Variants in MSI2 observed in about 807,000 individuals in gnomAD.
MSI2 encodes the protein RNA-binding protein Musashi homolog 2.
Under a neutral mutation model 45.6 loss-of-function variants are expected in MSI2, and 17 were observed. That is an observed-to-expected ratio of 0.37 (90% confidence interval 0.26 to 0.56). The LOEUF is 0.56. MSI2 is among the 20% of genes least tolerant of loss of function. MSI2 has a pLI of 0.77. For missense variants in MSI2, 293 were observed against 444.2 expected (o/e 0.66, Z 3.06); for synonymous variants, 156 against 158.2 (o/e 0.99, Z 0.11).
At chr17:57,309,612 C>T (rs1013386026) in intron 5 of MSI2, among the ~76,000 whole-genome samples, 3 of 152,158 alleles carry the variant, frequency 2.0e-5, no homozygotes, top group African/African-American at 7.2e-5. Flanking sequence ...AATGTTTGCA[C>T]AAATGAGCAA....
chr17:57,612,386 G>A (rs1463632691), intron 8 of MSI2, among the ~76,000 whole-genome samples: 1 of 94,912 alleles, frequency 1.1e-5, no homozygotes, highest in African/African-American at 3.3e-5. Flanking sequence ...TCTCGGGGGT[G>A]GAGGGGACTG....
chr17:57,525,057 A>G (rs1447472110), intron 6 of MSI2, among the ~76,000 whole-genome samples: 1 of 152,130 alleles, frequency 6.6e-6, no homozygotes, highest in Non-Finnish European at 1.5e-5. Flanking sequence ...TCTGATGTGG[A>G]TGATATTTGA....
At chr17:57,508,898 C>A (rs1319460709) in intron 6 of MSI2, among the ~76,000 whole-genome samples, 1 of 152,334 alleles carries the variant, frequency 6.6e-6, no homozygotes, top group East Asian at 1.9e-4. Context: ...CAAGGCTGTT[C>A]CGGGACCCAT....
At chr17:57,599,562 G>A (rs916553907) in intron 8 of MSI2, among the ~76,000 whole-genome samples, 3 of 152,218 alleles carry the variant, frequency 2.0e-5, no homozygotes, top group Non-Finnish European at 2.9e-5. Context: ...TCAGGTGCAC[G>A]TAACCGGGTT....
intron 5 of MSI2, among the ~76,000 whole-genome samples, chr17:57,284,079 GC>G (rs2143401358): frequency 6.6e-6 from 1 of 152,294 alleles, no homozygotes; most frequent in South Asian, 2.1e-4. Context: ...GATCGACACA[GC>G]CCCAGATTTA....
chr17:57,450,923 G>A (rs1015175687), intron 6 of MSI2, among the ~76,000 whole-genome samples: 1 of 152,120 alleles, frequency 6.6e-6, no homozygotes. Context: ...GACTTAGCTG[G>A]AGGAAGAGGG....
At chr17:57,458,232 C>G (rs1362120880) in intron 6 of MSI2, among the ~76,000 whole-genome samples, 2 of 151,694 alleles carry the variant, frequency 1.3e-5, no homozygotes, top group African/African-American at 4.8e-5. Context: ...TCCCGAGTAG[C>G]TGGGACTACG....
chr17:57,612,284 CT>C lies in MSI2; in HGVS notation c.538-3683del, dbSNP rs1159877512. Among the ~76,000 whole-genome samples, 10 of 94,898 alleles carry C rather than the reference CT, an allele frequency of 1.1e-4. 3 individuals carry two copies. Among genetic ancestry groups the C allele is most frequent in the African/African-American group, 3.3e-4 (10 of 30,468 alleles). 62.3% of individuals were successfully genotyped at this position (94,898 alleles called of 152,430 possible). On this transcript the variant is annotated intron_variant, in intron 8 of 13. Coordinates refer to ENST00000284073, the MANE Select transcript of MSI2 (RefSeq NM_138962.4). ...ATGAGAGCTCTCAGAGAGGTGGAGG[CT>C]TTCCTTATTTATCTTTGGGTCCCCA...
chr17:57,549,312 C>CTTTCTT (rs2087249347), intron 7 of MSI2, among the ~76,000 whole-genome samples: 3 of 124,288 alleles, frequency 2.4e-5, no homozygotes, highest in African/African-American at 9.2e-5. Flanking sequence ...CCCCACTGCC[C>CTTTCTT]TTTTTTTTTT....
At chr17:57,283,823 G>T (rs1415273855) in intron 5 of MSI2, among the ~76,000 whole-genome samples, 1 of 152,206 alleles carries the variant, frequency 6.6e-6, no homozygotes, top group African/African-American at 2.4e-5. Flanking sequence ...GGCCTGCCGG[G>T]TCCAGGGGAA....
intron 5 of MSI2, among the ~76,000 whole-genome samples, chr17:57,363,595 T>G (rs1302361234): frequency 6.6e-6 from 1 of 152,072 alleles, no homozygotes; most frequent in Non-Finnish European, 1.5e-5. Context: ...AGAAATTAGC[T>G]GGGTGTGGTG....
At chr17:57,263,841 G>A (rs956291697) in intron 5 of MSI2, 4 of 152,252 alleles carry the variant, frequency 2.6e-5, no homozygotes, top group Non-Finnish European at 5.9e-5. Context: ...TGGAATGTTT[G>A]TAGGTGAATT....
At chr17:57,676,239 C>T (rs1362666777) in intron 12 of MSI2, among the ~76,000 whole-genome samples, 2 of 152,184 alleles carry the variant, frequency 1.3e-5, no homozygotes, top group Non-Finnish European at 2.9e-5. Flanking sequence ...CGCACGCATG[C>T]ATGCACACAC....
At position 57,453,002 on chromosome 17, in the gene MSI2, C is replaced by CTT. The variant is rs59001273; in HGVS notation, c.405+51551_405+51552dup. On this transcript the variant is annotated intron_variant, in intron 6 of 13. Transcript: ENST00000284073. ...TGAGGGCTTGTTTCTGGTTGAGGGACTTTTTTTTTTTTTTTTTTTTTAAGA... is the reference window on the plus strand; with the variant it reads ...TGAGGGCTTGTTTCTGGTTGAGGGACTTTTTTTTTTTTTTTTTTTTTTTAAGA... 1.3e-3 allele frequency among the ~76,000 whole-genome samples: 155 copies of CTT among 118,242 alleles called. 1 individual carries two copies. The highest frequency in any genetic ancestry group is 2.0e-3 in the East Asian group (8 of 4,054). 77.6% of individuals were successfully genotyped at this position (118,242 alleles called of 152,430 possible).
At chr17:57,470,740 C>A (rs2085420081) in intron 6 of MSI2, among the ~76,000 whole-genome samples, 1 of 152,226 alleles carries the variant, frequency 6.6e-6, no homozygotes, top group Non-Finnish European at 1.5e-5. Context: ...GCCAGCAGCT[C>A]CTGCGGGTGG....
At chr17:57,458,245 C>G (rs980755955) in intron 6 of MSI2, among the ~76,000 whole-genome samples, 1 of 151,856 alleles carries the variant, frequency 6.6e-6, no homozygotes, top group South Asian at 2.1e-4. Context: ...GGACTACGGG[C>G]GCCCACCACC....
intron 13 of MSI2, among the ~76,000 whole-genome samples, chr17:57,678,870 C>T (rs189528664): frequency 9.5e-4 from 145 of 152,348 alleles, no homozygotes; most frequent in Non-Finnish European, 1.6e-3. Flanking sequence ...CAAACACACC[C>T]ATTGTCCCCA....
chr17:57,527,648 G>A (rs2086732411), intron 6 of MSI2, among the ~76,000 whole-genome samples: 1 of 152,208 alleles, frequency 6.6e-6, no homozygotes, highest in East Asian at 1.9e-4. Context: ...GAAATGGGGA[G>A]CAGAAGGGGA....
At chr17:57,264,359 C>T (rs772960821) in intron 5 of MSI2, 5 of 151,810 alleles carry the variant, frequency 3.3e-5, no homozygotes, top group Non-Finnish European at 7.4e-5. Flanking sequence ...GCCATAGAAG[C>T]GTTAACCTGC....
Sources: gnomAD v4.1 joint callset for allele counts (sites outside exome capture counted in the v4.1 genomes callset) on GRCh38, gnomAD v4.1.1 for gene constraint, MANE v1.5 for transcripts, NCBI Gene and HGNC (gene_info 2026-07-23, HGNC 2026-07-21) for gene names.